The following SEMA3A variants were observed in gnomAD, a reference collection of about 807,000 sequenced individuals.
The protein encoded by SEMA3A is semaphorin-3A.
In SEMA3A, 29 loss-of-function variants were observed where a neutral mutation model predicts 97.9. The observed-to-expected ratio is 0.30, with a 90% CI of 0.22 to 0.40. SEMA3A has a LOEUF of 0.40. Among genes scored for constraint, SEMA3A ranks in the 10% least tolerant of loss-of-function variants. The pLI, the probability that SEMA3A is intolerant of heterozygous loss-of-function variation, is 1.00. For synonymous variants in SEMA3A, 321 were observed against 323.7 expected, an observed-to-expected ratio of 0.99 and a Z score of 0.09; for missense variants, 763 against 951.3, an observed-to-expected ratio of 0.80 and a Z score of 2.60.
At chr7:84,429,244 C>T (rs975315960) in intron 1 of SEMA3A, among the ~76,000 whole-genome samples, 2 of 151,646 alleles carry the variant, frequency 1.3e-5, no homozygotes, top group Non-Finnish European at 2.9e-5. Context: ...CTGCTTGATA[C>T]TACAAAACAT....
intron 6 of SEMA3A, among the ~76,000 whole-genome samples, chr7:84,035,450 C>T (rs1237268814): frequency 6.6e-6 from 1 of 151,862 alleles, no homozygotes; most frequent in East Asian, 1.9e-4. Context: ...TTGTGTTTAT[C>T]ATTGATTAAG....
At chr7:83,964,182 T>C (rs1353358336) in intron 15 of SEMA3A, among the ~76,000 whole-genome samples, 1 of 152,110 alleles carries the variant, frequency 6.6e-6, no homozygotes, top group Non-Finnish European at 1.5e-5. Flanking sequence ...AGATCAAAAG[T>C]ACAACACAGG....
intron 2 of SEMA3A, among the ~76,000 whole-genome samples, chr7:84,347,675 G>A (rs1438712036): frequency 2.6e-5 from 4 of 152,082 alleles, no homozygotes; most frequent in Admixed American, 2.0e-4. Flanking sequence ...CTCCCAAAGT[G>A]CTGGAATTAC....
chr7:84,445,494 A>AG, intron 1 of SEMA3A, among the ~76,000 whole-genome samples: 1 of 26,020 alleles, frequency 3.8e-5, no homozygotes, highest in Non-Finnish European at 7.3e-5. Flanking sequence ...ACTCCATCTC[A>AG]AAAAAAAAAA....
chr7:84,376,556 A>G (rs1803105587), intron 1 of SEMA3A, among the ~76,000 whole-genome samples: 1 of 101,750 alleles, frequency 9.8e-6, no homozygotes, highest in African/African-American at 3.7e-5. Flanking sequence ...GTGAGCCGAG[A>G]TCGCGCCACT....
At chr7:84,054,989 G>A (rs932403004) in intron 5 of SEMA3A, among the ~76,000 whole-genome samples, 1 of 152,186 alleles carries the variant, frequency 6.6e-6, no homozygotes, top group East Asian at 1.9e-4. Context: ...TGCCCCTGCT[G>A]TGGGGTGCCT....
chr7:84,243,302 T>C (rs1799407852), intron 3 of SEMA3A, among the ~76,000 whole-genome samples: 1 of 152,190 alleles, frequency 6.6e-6, no homozygotes, highest in African/African-American at 2.4e-5. Context: ...GGTAGGCTAT[T>C]AATTACTGCC....
chr7:84,162,592 T>TAAAA (rs201883744), intron 1 of SEMA3A, among the ~76,000 whole-genome samples: 58,282 of 150,768 alleles, frequency 0.39, 12,163 homozygotes, highest in Admixed American at 0.49. Context: ...AATTTTTTTT[T>TAAAA]AAAAAAAAAT....
At chr7:84,090,148 C>T (rs1484519423) in intron 4 of SEMA3A, among the ~76,000 whole-genome samples, 1 of 151,912 alleles carries the variant, frequency 6.6e-6, no homozygotes, top group African/African-American at 2.4e-5. Flanking sequence ...TTTTATGTTG[C>T]AGTGGAGGAG....
At chr7:84,440,997 A>G (rs1805258268) in intron 1 of SEMA3A, among the ~76,000 whole-genome samples, 2 of 152,118 alleles carry the variant, frequency 1.3e-5, no homozygotes, top group Non-Finnish European at 2.9e-5. Flanking sequence ...CATCTCTACT[A>G]AAAATACAAA....
intron 4 of SEMA3A, among the ~76,000 whole-genome samples, chr7:84,084,808 G>A (rs1028163615): frequency 7.2e-5 from 11 of 152,054 alleles, no homozygotes; most frequent in Non-Finnish European, 1.6e-4. Flanking sequence ...AGCATTCCTG[G>A]AATTTGACCT....
At chr7:84,046,994 T>A (rs1792381010) in intron 5 of SEMA3A, among the ~76,000 whole-genome samples, 1 of 152,042 alleles carries the variant, frequency 6.6e-6, no homozygotes, top group African/African-American at 2.4e-5. Flanking sequence ...TTGCCAGAAT[T>A]TTTTTCTTGC....
intron 1 of SEMA3A, among the ~76,000 whole-genome samples, chr7:84,183,769 GACA>G (rs1797799282): frequency 1.3e-5 from 2 of 152,042 alleles, no homozygotes; most frequent in South Asian, 4.1e-4. Flanking sequence ...GCACAATAGA[GACA>G]TTCAGCCATG....
intron 1 of SEMA3A, among the ~76,000 whole-genome samples, chr7:84,191,986 C>T (rs1169801571): frequency 6.6e-6 from 1 of 151,872 alleles, no homozygotes; most frequent in African/African-American, 2.4e-5. Context: ...TCTTTCATCT[C>T]CTACCAGGCA....
intron 1 of SEMA3A, among the ~76,000 whole-genome samples, chr7:84,471,124 C>T (rs1806134952): frequency 6.6e-6 from 1 of 151,980 alleles, no homozygotes; most frequent in Non-Finnish European, 1.5e-5. Flanking sequence ...CTTTTTGAAG[C>T]CTATTAAACA....
intron 6 of SEMA3A, among the ~76,000 whole-genome samples, chr7:84,023,974 T>C (rs1263333624): frequency 6.9e-6 from 1 of 145,280 alleles, no homozygotes; most frequent in African/African-American, 2.6e-5. Flanking sequence ...ATCGCGCCAC[T>C]GCACTCTAGC....
chr7:84,419,786 C>G (rs1368609561), intron 1 of SEMA3A, among the ~76,000 whole-genome samples: 1 of 152,130 alleles, frequency 6.6e-6, no homozygotes. Context: ...GGGTATTCAA[C>G]AGCAGATTTG....
chr7:84,066,892 G>T (rs900129070), intron 4 of SEMA3A, among the ~76,000 whole-genome samples: 1 of 152,112 alleles, frequency 6.6e-6, no homozygotes, highest in South Asian at 2.1e-4. Context: ...AGCTACCAAT[G>T]CCTTTCTTCA....
At chr7:84,422,465 C>T (rs1172502858) in intron 1 of SEMA3A, among the ~76,000 whole-genome samples, 3 of 151,980 alleles carry the variant, frequency 2.0e-5, no homozygotes, top group Non-Finnish European at 4.4e-5. Flanking sequence ...TTTCAAAAAA[C>T]CAGCTCCTAG....
Sources: allele counts gnomAD v4.1 joint callset (sites outside exome capture counted in the v4.1 genomes callset), GRCh38; gene constraint gnomAD v4.1.1; transcripts MANE v1.5; gene names NCBI Gene and HGNC (gene_info 2026-07-23, HGNC 2026-07-21).